TRPM7: variants seen among roughly 807,000 people sequenced by gnomAD.
TRPM7 encodes LTRPC ion channel family member 7.
Under a neutral mutation model 229.7 loss-of-function variants are expected in TRPM7, and 134 were observed. That is an observed-to-expected ratio of 0.58 (90% confidence interval 0.51 to 0.67). TRPM7 has a LOEUF of 0.67. Ranked by LOEUF, TRPM7 falls within the 30% of genes least tolerant of loss-of-function variation. TRPM7 has a pLI of 0.00. For synonymous variants in TRPM7, 699 were observed against 715.2 expected (o/e 0.98, Z 0.36); for missense variants, 1,901 against 2,210.0 (o/e 0.86, Z 2.80).
intron 4 of TRPM7, among the ~76,000 whole-genome samples, chr15:50,646,941 A>G (rs928596614): frequency 6.6e-6 from 1 of 152,186 alleles, no homozygotes; most frequent in Middle Eastern, 3.2e-3. Context: ...TTACAGCCTA[A>G]AAGCAATAGG....
chr15:50,605,607 G>A (rs771757424), intron 20 of TRPM7, among the ~76,000 whole-genome samples: 5 of 152,074 alleles, frequency 3.3e-5, no homozygotes, highest in African/African-American at 4.8e-5. Flanking sequence ...CTTTTGGGAG[G>A]AATGGTAACA....
chr15:50,645,843 A>G (rs764198781), intron 4 of TRPM7, among the ~76,000 whole-genome samples: 115 of 152,290 alleles, frequency 7.6e-4, no homozygotes, highest in Admixed American at 2.3e-3. Context: ...AAAAAAGAAC[A>G]ATAACACCTG....
At chr15:50,636,006 A>G (rs1196240803) in intron 7 of TRPM7, among the ~76,000 whole-genome samples, 1 of 151,980 alleles carries the variant, frequency 6.6e-6, no homozygotes, top group Non-Finnish European at 1.5e-5. Flanking sequence ...ATTAAAAATT[A>G]AAGAAGAAAT....
chr15:50,686,643 G>T lies in TRPM7; in HGVS notation c.-110C>A. The stretch of plus-strand genomic sequence containing the variant: ...CCGGAGGCGGCAGCAGAGGCCGCCG[G>T]ACAAGGAACGCCCAGGGAAACCTTC... On this transcript the variant is annotated 5_prime_UTR_variant, in exon 1 of 39. Transcript: ENST00000646667. The T allele has an allele frequency of 6.9e-7, 1 of 1,456,914 alleles. No individual in the cohort carries two copies. Among genetic ancestry groups the T allele is most frequent in the Non-Finnish European group, 9.3e-7 (1 of 1,079,214 alleles). The allele number at this position is 1,456,914 out of a possible 1,614,324, so 90.2% of individuals were successfully genotyped here. A position where few individuals can be genotyped will look rare whatever the true frequency, so the allele number is the denominator to read the frequency against.
intron 19 of TRPM7, among the ~76,000 whole-genome samples, chr15:50,607,875 C>G (rs1296078903): frequency 2.1e-5 from 3 of 140,252 alleles, no homozygotes; most frequent in African/African-American, 8.0e-5. Context: ...GGTGAAACTC[C>G]ATCTCTACTG....
Position 50,622,484 on chromosome 15 carries a change from T to C in TRPM7, c.1440+1682A>G, listed in dbSNP as rs140914881. Reference sequence around the variant, plus strand: ...TTTACATTGCTTTATAGTTCAGGTATAAACCTTACTACAGCACAATGAATA... The same window carrying C: ...TTTACATTGCTTTATAGTTCAGGTACAAACCTTACTACAGCACAATGAATA... On this transcript the variant is annotated intron_variant, in intron 12 of 38. Coordinates refer to ENST00000646667, the MANE Select transcript of TRPM7 (RefSeq NM_017672.6). Among the ~76,000 whole-genome samples, 130 of 152,362 alleles carry C rather than the reference T, an allele frequency of 8.5e-4. 1 individual carries two copies. The highest frequency in any genetic ancestry group is 3.0e-3 in the African/African-American group (124 of 41,592).
rs1225518127 is a variant in TRPM7, at chr15:50,637,717, T to C, written c.661-124A>G. Reference sequence around the variant, plus strand: ...ATTCTATTTTACATACAGAAATAAATACCAAATGACAAAGAATGTTTCAAA... The same window carrying C: ...ATTCTATTTTACATACAGAAATAAACACCAAATGACAAAGAATGTTTCAAA... On this transcript the variant is annotated intron_variant, in intron 6 of 38. Coordinates refer to ENST00000646667, the MANE Select transcript of TRPM7 (RefSeq NM_017672.6). 5 of 845,430 alleles carry C rather than the reference T, an allele frequency of 5.9e-6. No individual in the cohort carries two copies. In the South Asian group the frequency reaches 6.1e-5, roughly 10 times the overall value. 52.4% of individuals were successfully genotyped at this position (845,430 alleles called of 1,614,324 possible).
In TRPM7 at chr15:50,592,017, T is replaced by C. The variant is rs751308520; in HGVS notation, c.4218A>G (p.Pro1406=). The change falls in exon 26 of 39, where the codon CCA becomes CCG. Residue 1406 remains proline, a synonymous_variant. Coordinates refer to ENST00000646667, the MANE Select transcript of TRPM7 (RefSeq NM_017672.6). ...AGTGGCTTTTGCAACTTGGCTGAGA[T>C]GGTGTACTAACAAAAAATTTGGTTG... ...SPPTKFFVST[P]SQPSCKSHLE... is the part of the protein sequence containing the mutation. 7.4e-6 allele frequency: 12 copies of C among 1,613,370 alleles called. No individual in the cohort carries two copies. In the South Asian group the frequency reaches 8.8e-5, roughly 12 times the overall value.
chr15:50,598,159 T>G (rs1262323092), intron 22 of TRPM7, among the ~76,000 whole-genome samples: 1 of 151,810 alleles, frequency 6.6e-6, no homozygotes, highest in African/African-American at 2.4e-5. Flanking sequence ...AACACAGATA[T>G]TGGGGGAGGT....
At chr15:50,617,240 TAGG>T (rs2060249925) in intron 13 of TRPM7, among the ~76,000 whole-genome samples, 1 of 150,286 alleles carries the variant, frequency 6.7e-6, no homozygotes, top group Admixed American at 6.6e-5. Flanking sequence ...GGGAGGCTGA[TAGG>T]AGAATTGCTT....
Position 50,619,810 on chromosome 15 carries a change from A to C in TRPM7, c.1441-12T>G, listed in dbSNP as rs2060337699. 2 of 1,596,248 alleles carry C rather than the reference A, an allele frequency of 1.3e-6. No individual in the cohort carries two copies. The highest frequency in any genetic ancestry group is 2.7e-5 in the African/African-American group (2 of 73,984). On this transcript the variant is annotated splice_polypyrimidine_tract_variant and intron_variant, in intron 12 of 38. Transcript: ENST00000646667. ...GTTGGACCTTGTTTCTTTAGGGAGA[A>C]AAAGTTACAGCAAACTATTATTTTT...
intron 2 of TRPM7, among the ~76,000 whole-genome samples, chr15:50,659,652 C>T (rs1376863890): frequency 6.6e-6 from 1 of 150,634 alleles, no homozygotes; most frequent in Admixed American, 6.8e-5. Context: ...AAATAAACTC[C>T]TTAATGATAA....
At chr15:50,591,758 A>G (rs879380361) in intron 26 of TRPM7, among the ~76,000 whole-genome samples, 153 bp downstream of exon 26, 1 of 152,280 alleles carries the variant, frequency 6.6e-6, no homozygotes, top group Admixed American at 6.5e-5. Flanking sequence ...TCAGCCTCCC[A>G]AAGTACCAGA....
At chr15:50,666,385 G>A (rs28575682) in intron 1 of TRPM7, among the ~76,000 whole-genome samples, 3,079 of 152,102 alleles carry the variant, frequency 0.02, 120 homozygotes, top group African/African-American at 0.071. Context: ...AGGCTGCAGC[G>A]AGCTGTGATC....
In TRPM7 at chr15:50,682,371, A is replaced by T. The variant is rs1596358304; in HGVS notation, c.3+4160T>A. On this transcript the variant is annotated intron_variant, in intron 1 of 38. Transcript: ENST00000646667. Reference sequence around the variant, plus strand: ...AAAAAATCCAGAGCATGAGGTCAAGAGATCGAGACCAGCCTGGCCAACATG... The same window carrying T: ...AAAAAATCCAGAGCATGAGGTCAAGTGATCGAGACCAGCCTGGCCAACATG... Among the ~76,000 whole-genome samples, 4 of 151,888 alleles carry T rather than the reference A, an allele frequency of 2.6e-5. No homozygotes were observed. In the South Asian group the frequency reaches 8.3e-4, roughly 32 times the overall value.
intron 30 of TRPM7, among the ~76,000 whole-genome samples, chr15:50,580,168 A>G (rs993095878): frequency 1.3e-5 from 2 of 152,230 alleles, no homozygotes; most frequent in East Asian, 1.9e-4. Context: ...ATATGACAGA[A>G]TAACTCTACC....
At chr15:50,595,297 A>T (rs1302036586) in intron 23 of TRPM7, among the ~76,000 whole-genome samples, 1 of 152,034 alleles carries the variant, frequency 6.6e-6, no homozygotes, top group Non-Finnish European at 1.5e-5. Flanking sequence ...ATTTAGACTT[A>T]AGTGCAAAAG....
chr15:50,630,935 AG>A (rs1361913347), intron 10 of TRPM7, among the ~76,000 whole-genome samples: 3 of 152,140 alleles, frequency 2.0e-5, no homozygotes, highest in African/African-American at 7.2e-5. Context: ...TTCCAGGATC[AG>A]GTGATTCCAC....
intron 10 of TRPM7, among the ~76,000 whole-genome samples, chr15:50,628,540 A>G (rs1243986744): frequency 2.0e-5 from 3 of 152,134 alleles, no homozygotes; most frequent in African/African-American, 7.2e-5. Flanking sequence ...TCCCGGCCTC[A>G]AGTGATCCTG....
Sources: gnomAD v4.1 joint callset for allele counts (sites outside exome capture counted in the v4.1 genomes callset) on GRCh38, gnomAD v4.1.1 for gene constraint, MANE v1.5 for transcripts, NCBI Gene and HGNC (gene_info 2026-07-23, HGNC 2026-07-21) for gene names.